Variants in TPP1 observed in about 807,000 individuals in gnomAD.
The protein encoded by TPP1 is tripeptidyl-peptidase 1.
Under a neutral mutation model 67.6 loss-of-function variants are expected in TPP1, and 43 were observed. The observed-to-expected ratio is 0.64, with a 90% CI of 0.50 to 0.82. The LOEUF (loss-of-function observed/expected upper bound fraction) is 0.82, where lower values mean the gene tolerates loss of function less well. Ranked by LOEUF, TPP1 falls within the 40% of genes least tolerant of loss-of-function variation. The pLI is 0.00. For synonymous variants in TPP1, 272 were observed against 281.5 expected (o/e 0.97, Z 0.34); for missense variants, 671 against 710.9 (o/e 0.94, Z 0.64).
At chr11:6,615,595 G>A in intron 9 of TPP1, 33 bp from the exon 10 acceptor site, 2 of 1,613,586 alleles carry the variant, frequency 1.2e-6, no homozygotes, top group Non-Finnish European at 1.7e-6. Flanking sequence ...GGATAGTAGG[G>A]GACCCAAGGG....
rs756476478 is a variant in TPP1, at chr11:6,615,149, T to G, written c.1425+22A>C. ...GTAAGGGTAGTTCCTGAGTGAGAGT[T>G]TGGAGATGGGCTGATTCTCACCGAG... On this transcript the variant is annotated intron_variant, in intron 11 of 12. Coordinates refer to ENST00000299427, the MANE Select transcript of TPP1 (RefSeq NM_000391.4). The G allele has an allele frequency of 3.7e-6, 6 of 1,613,872 alleles. No homozygotes were observed. In the East Asian group the frequency reaches 1.3e-4, roughly 36 times the overall value.
chr11:6,617,328 G>A lies in TPP1; in HGVS notation c.481C>T (p.Gln161Ter), dbSNP rs764256845. The change falls in exon 5 of 13, where the codon CAG (glutamine) becomes TAG (stop). Residue 161 changes from glutamine (Q) to a stop codon, truncating the protein, a stop_gained. Transcript: ENST00000299427. LOFTEE classifies it high-confidence loss of function. Reference protein sequence around the residue: ...VRSPHPYQLPQALAPHVDFVG... With the variant: ...VRSPHPYQLP The stretch of plus-strand genomic sequence containing the variant: ...AAGTCCACATGGGGGGCCAAGGCCT[G>A]TGGAAGCTGGTAGGGATGTGGGGAC... 3.1e-6 allele frequency: 5 copies of A among 1,614,142 alleles called. No homozygotes were observed. In the Admixed American group the frequency reaches 5.0e-5, roughly 16 times the overall value.
chr11:6,615,625 G>C (rs1224046940), intron 9 of TPP1, 63 bp from the exon 10 acceptor site: 2 of 1,606,410 alleles, frequency 1.2e-6, no homozygotes, highest in South Asian at 1.1e-5. Flanking sequence ...GATATGTGGG[G>C]AGGGGTGAGT....
chr11:6,617,561 T>C, intron 4 of TPP1, 65 bp downstream of exon 4: 1 of 1,613,150 alleles, frequency 6.2e-7, no homozygotes, highest in African/African-American at 1.3e-5. Flanking sequence ...AGCTCTCAAC[T>C]CCCTCCCATC....
At position 6,613,850 on chromosome 11, in the gene TPP1, C is replaced by T. The variant is rs574987094; in HGVS notation, c.*696G>A. 6.5e-6 allele frequency: 1 copy of T among 152,986 alleles called. No individual in the cohort carries two copies. Among genetic ancestry groups the T allele is most frequent in the East Asian group, 1.9e-4 (1 of 5,186 alleles). 9.5% of individuals were successfully genotyped at this position (152,986 alleles called of 1,614,324 possible). ...GAAATGTTGAGTATCACGCATCTTA[C>T]ATTTGAGGTATCAATCATTATTGGA... On this transcript the variant is annotated 3_prime_UTR_variant, in exon 13 of 13. Transcript: ENST00000299427.
chr11:6,616,444 C>A lies in TPP1; in HGVS notation c.946G>T (p.Ala316Ser). The A allele has an allele frequency of 6.2e-7, 1 of 1,612,732 alleles. No homozygotes were observed. Among genetic ancestry groups the A allele is most frequent in the Non-Finnish European group, 8.5e-7 (1 of 1,179,966 alleles). ...QWLMLLSNES[A>S]LPHVHTVSYG... is the part of the protein sequence containing the mutation. ...CTCACAGTATGCACATGTGGCAGGG[C>A]TGACTCATTACTGAGCAGCATGAGC... The change falls in exon 8 of 13, where the codon GCC becomes TCC. Residue 316 changes from alanine (A) to serine (S), a missense_variant. Transcript: ENST00000299427.
At chr11:6,617,535 C>G in intron 4 of TPP1, 91 bp downstream of exon 4, 1 of 1,612,882 alleles carries the variant, frequency 6.2e-7, no homozygotes, top group Non-Finnish European at 8.5e-7. Flanking sequence ...TTAGCTCCCA[C>G]CCACAAGCCC....
chr11:6,615,370 C>A, intron 10 of TPP1, 41 bp from the exon 11 acceptor site: 1 of 1,614,054 alleles, frequency 6.2e-7, no homozygotes, highest in Non-Finnish European at 8.5e-7. Flanking sequence ...TGTGGCCTGC[C>A]CAGCAGTCAG....
Position 6,613,543 on chromosome 11 carries a change from GA to G in TPP1, c.*1002del, listed in dbSNP as rs1476261621. On this transcript the variant is annotated 3_prime_UTR_variant, in exon 13 of 13. Transcript: ENST00000299427. ...GACTTGGGGATTGGCAGGAAGTAAG[GA>G]CACTTTTTTTCAAGAGAATATAGCC... 6.6e-6 allele frequency: 1 copy of G among 152,622 alleles called. No individual in the cohort carries two copies. The highest frequency in any genetic ancestry group is 1.5e-5 in the Non-Finnish European group (1 of 68,040). The allele number at this position is 152,622 out of a possible 1,614,324, so 9.5% of individuals were successfully genotyped here.
At position 6,614,204 on chromosome 11, in the gene TPP1, G is replaced by C. The variant is rs1391735273; in HGVS notation, c.*342C>G. On this transcript the variant is annotated 3_prime_UTR_variant, in exon 13 of 13. Transcript: ENST00000299427. ...TAGAGGTCTCCTTGCAGTGAATTGG[G>C]GAATGAATATCAAGTGAAATAGTGC... 1.1e-5 allele frequency: 4 copies of C among 358,476 alleles called. No homozygotes were observed. Among genetic ancestry groups the C allele is most frequent in the Non-Finnish European group, 2.1e-5 (4 of 187,640 alleles). 22.2% of individuals were successfully genotyped at this position (358,476 alleles called of 1,614,324 possible).
intron 3 of TPP1, chr11:6,618,046 A>G (rs1469344777): frequency 1.9e-6 from 1 of 533,588 alleles, no homozygotes; most frequent in East Asian, 3.4e-5. Flanking sequence ...CATGAAAATG[A>G]ATGAGGTTAA....
At position 6,616,287 on chromosome 11, in the gene TPP1, A is replaced by G. The variant is rs7943955; in HGVS notation, c.1075+28T>C. The G allele has an allele frequency of 1, 1,610,000 of 1,612,854 alleles. 803,619 individuals are homozygous for G. The highest frequency in any genetic ancestry group is 1 in the East Asian group (44,858 of 44,860). On this transcript the variant is annotated intron_variant, in intron 8 of 12. Coordinates refer to ENST00000299427, the MANE Select transcript of TPP1 (RefSeq NM_000391.4). ...GCTCCCAGGCTGCAGAGGTGTAAGC[A>G]TTGTCTAAGTTTAGGGTAGGAGGTC...
In TPP1 at chr11:6,616,793, C is replaced by G; in HGVS notation, c.754G>C (p.Ala252Pro). Reference sequence around the variant, plus strand: ...ACACGGGCTACTGATGCCTGATGTGCAAAGTTGCCACCGAAGAGGCGCATG... The same window carrying G: ...ACACGGGCTACTGATGCCTGATGTGGAAAGTTGCCACCGAAGAGGCGCATG... Reference protein sequence around the residue: ...QFMRLFGGNFAHQASVARVVG... With the variant: ...QFMRLFGGNFPHQASVARVVG... Residue 252 changes from alanine (A) to proline (P), a missense_variant, in exon 7 of 13, where the codon GCA (alanine) becomes CCA (proline). Ala to Pro is a conservative substitution (Grantham distance 27). Transcript: ENST00000299427. 1.2e-6 allele frequency: 2 copies of G among 1,613,868 alleles called. No individual in the cohort carries two copies. The highest frequency in any genetic ancestry group is 8.5e-7 in the Non-Finnish European group (1 of 1,180,004).
intron 2 of TPP1, 52 bp from the exon 3 acceptor site, chr11:6,618,967 A>AT: frequency 6.2e-7 from 1 of 1,606,640 alleles, no homozygotes; most frequent in Non-Finnish European, 8.5e-7. Context: ...GAGATGGAAA[A>AT]TATTGGTCAT....
rs2134591585 is a variant in TPP1, at chr11:6,615,198, C to T, written c.1398G>A (p.Val466=). 2 of 1,614,178 alleles carry T rather than the reference C, an allele frequency of 1.2e-6. No individual in the cohort carries two copies. The highest frequency in any genetic ancestry group is 2.7e-5 in the African/African-American group (2 of 75,026). Residue 466 remains valine, a synonymous_variant, in exon 11 of 13, where the codon GTG becomes GTA. Coordinates refer to ENST00000299427, the MANE Select transcript of TPP1 (RefSeq NM_000391.4). ...AGGTTCCGGACACCCATGGAATGGG[C>T]ACTCTGTTGCTGACCACCCAGTAGC... ...SDGYWVVSNR[V]PIPWVSGTSA...
Position 6,615,310 on chromosome 11 carries a change from A to G in TPP1, c.1286T>C (p.Phe429Ser). 1 of 1,614,130 alleles carries G rather than the reference A, an allele frequency of 6.2e-7. No homozygotes were observed. Residue 429 changes from phenylalanine (F) to serine (S), a missense_variant, in exon 11 of 13, where the codon TTC becomes TCC. By Grantham distance (155) the Phe-to-Ser change is radical. Transcript: ENST00000299427. ...TGGCAGGTGGGGGCTAGAGCTCAGG[A>G]ACTTCGTTACAGCTTCCTCCTGAAA... is the stretch of plus-strand genomic sequence containing the variant. ...PSYQEEAVTK[F>S]LSSSPHLPPS...
rs776400037 is a variant in TPP1, at chr11:6,617,599, C to G, written c.380+27G>C. On this transcript the variant is annotated intron_variant, in intron 4 of 12. Transcript: ENST00000299427. ...TCTCACTGATGGGATGACTGGTGCC[C>G]TCCATGGAGCAATCATTTCCTCTCA... The G allele has an allele frequency of 1.9e-6, 3 of 1,613,910 alleles. No individual in the cohort carries two copies. The South Asian group carries it at 3.3e-5, about 18-fold the overall frequency.
chr11:6,614,755 C>A, intron 12 of TPP1, 69 bp from the exon 13 acceptor site: 2 of 1,613,822 alleles, frequency 1.2e-6, no homozygotes, highest in Non-Finnish European at 8.5e-7. Context: ...TCTCCTCACC[C>A]TGTACTCACA....
intron 12 of TPP1, 25 bp from the exon 13 acceptor site, chr11:6,614,711 C>G: frequency 3.7e-6 from 6 of 1,614,140 alleles, no homozygotes; most frequent in Non-Finnish European, 3.4e-6. Flanking sequence ...GGCATCAGAT[C>G]TGGGCCTACT....
Sources: gnomAD v4.1 joint callset for allele counts on GRCh38, gnomAD v4.1.1 for gene constraint, MANE v1.5 for transcripts, NCBI Gene and HGNC (gene_info 2026-07-23, HGNC 2026-07-21) for gene names.